The following WDR41 variants were observed in gnomAD, a reference collection of about 807,000 sequenced individuals.
WDR41 encodes the protein WD repeat-containing protein 41.
In WDR41, 63 loss-of-function variants were observed where a neutral mutation model predicts 69.3. That is an observed-to-expected ratio of 0.91 (90% CI 0.74 to 1.12). The LOEUF is 1.12. Among genes scored for constraint, WDR41 ranks in the 50% most tolerant of loss-of-function variants. WDR41 has a pLI of 0.00. For synonymous variants in WDR41, 185 were observed against 192.1 expected (o/e 0.96, Z 0.31); for missense variants, 543 against 534.5 (o/e 1.02, Z -0.16).
intron 1 of WDR41, among the ~76,000 whole-genome samples, chr5:77,526,509 G>A (rs59240338): frequency 0.092 from 14,021 of 151,862 alleles, 1,347 homozygotes; most frequent in African/African-American, 0.24. Flanking sequence ...AATTTTTCTT[G>A]CTTTTTATAA....
chr5:77,586,955 T>C (rs1744051405), intron 1 of WDR41, among the ~76,000 whole-genome samples: 1 of 151,642 alleles, frequency 6.6e-6, no homozygotes, highest in Non-Finnish European at 1.5e-5. Context: ...CCTGACCTTG[T>C]GATCCGCCTG....
chr5:77,544,952 C>T (rs777299721), intron 1 of WDR41, among the ~76,000 whole-genome samples: 38 of 151,936 alleles, frequency 2.5e-4, no homozygotes, highest in Non-Finnish European at 4.9e-4. Flanking sequence ...TTAAGAAAAT[C>T]GAAATTGTAA....
intron 1 of WDR41, among the ~76,000 whole-genome samples, chr5:77,507,458 C>T (rs1187781682): frequency 2.6e-5 from 4 of 152,158 alleles, no homozygotes; most frequent in Non-Finnish European, 5.9e-5. Flanking sequence ...CTCGTGTCAT[C>T]ATTTTGCAAT....
intron 3 of WDR41, 146 bp downstream of exon 3, chr5:77,464,615 G>C (rs1800218705): frequency 1.2e-6 from 1 of 818,672 alleles, no homozygotes; most frequent in East Asian, 2.8e-5. Flanking sequence ...ACTGTATATG[G>C]ATTTATCCTA....
intron 1 of WDR41, among the ~76,000 whole-genome samples, chr5:77,559,302 T>G (rs6883761): frequency 0.15 from 23,404 of 152,150 alleles, 2,781 homozygotes; most frequent in African/African-American, 0.32. Flanking sequence ...TAAATAATCT[T>G]AAGAGTATAG....
chr5:77,604,089 T>A lies in WDR41; in HGVS notation c.42+16390A>T, dbSNP rs139200399. 8.6e-5 allele frequency among the ~76,000 whole-genome samples: 13 copies of A among 151,836 alleles called. No individual in the cohort carries two copies. The East Asian group carries it at 2.1e-3, about 25-fold the overall frequency. On this transcript the variant is annotated intron_variant, in intron 1 of 5. Coordinates refer to the WDR41 transcript ENST00000509971. Reference sequence around the variant, plus strand: ...TTCTGGTTCCATATGAATTTTAGGATTTTTTTTCTATTTCTGTGAAAAATG... The same window carrying A: ...TTCTGGTTCCATATGAATTTTAGGAATTTTTTTCTATTTCTGTGAAAAATG...
intron 1 of WDR41, among the ~76,000 whole-genome samples, chr5:77,532,845 A>G (rs2112210016): frequency 6.6e-6 from 1 of 152,258 alleles, no homozygotes; most frequent in South Asian, 2.1e-4. Context: ...AAATCAGGAT[A>G]GTGGTTACAC....
At position 77,488,457 on chromosome 5, in the gene WDR41, T is replaced by TAA. The variant is rs71606300; in HGVS notation, c.167+998_167+999dup. 8.8e-3 allele frequency among the ~76,000 whole-genome samples: 1,245 copies of TAA among 141,000 alleles called. 16 individuals are homozygous for TAA. Among genetic ancestry groups the TAA allele is most frequent in the African/African-American group, 0.029 (1,127 of 38,746 alleles). The allele number at this position is 141,000 out of a possible 152,430, so 92.5% of individuals were successfully genotyped here. On this transcript the variant is annotated intron_variant, in intron 2 of 12. Transcript: ENST00000296679. Reference sequence around the variant, plus strand: ...CTCTATTTTAAAAATTAAATTAAATTAAAAAAAAAAAAGCAGAGAAAAGAC... The same window carrying TAA: ...CTCTATTTTAAAAATTAAATTAAATTAAAAAAAAAAAAAAGCAGAGAAAAGAC...
intron 3 of WDR41, 137 bp from the exon 4 acceptor site, chr5:77,463,363 A>G: frequency 1.4e-6 from 1 of 725,482 alleles, no homozygotes; most frequent in Non-Finnish European, 2.0e-6. Flanking sequence ...ATTTAACTTA[A>G]GCAATCACAC....
intron 2 of WDR41, among the ~76,000 whole-genome samples, chr5:77,483,802 C>T (rs1222513787): frequency 2.6e-5 from 4 of 152,018 alleles, no homozygotes; most frequent in Admixed American, 6.6e-5. Flanking sequence ...TTTTATTTAC[C>T]GATTTTCAAC....
At chr5:77,506,241 A>C (rs1189113770) in intron 1 of WDR41, among the ~76,000 whole-genome samples, 1 of 152,220 alleles carries the variant, frequency 6.6e-6, no homozygotes, top group Non-Finnish European at 1.5e-5. Context: ...ATGAACAGAC[A>C]CTTCTCAAAA....
At chr5:77,475,816 A>G (rs1426907402) in intron 2 of WDR41, among the ~76,000 whole-genome samples, 3 of 152,216 alleles carry the variant, frequency 2.0e-5, no homozygotes, top group African/African-American at 4.8e-5. Context: ...ACAAAGCTGG[A>G]TGGAGAATGA....
At chr5:77,611,389 T>C (rs549688341) in intron 1 of WDR41, among the ~76,000 whole-genome samples, 1 of 152,300 alleles carries the variant, frequency 6.6e-6, no homozygotes, top group South Asian at 2.1e-4. Context: ...ATTCCAAAAT[T>C]GACCACATAG....
At chr5:77,574,973 G>A (rs1426886240) in intron 1 of WDR41, among the ~76,000 whole-genome samples, 3 of 151,892 alleles carry the variant, frequency 2.0e-5, no homozygotes, top group South Asian at 2.1e-4. Context: ...GAAATGAGGC[G>A]TTAAAAACAA....
chr5:77,470,932 G>A (rs1800570854), intron 2 of WDR41, among the ~76,000 whole-genome samples: 1 of 152,102 alleles, frequency 6.6e-6, no homozygotes, highest in African/African-American at 2.4e-5. Context: ...AGACCTAATA[G>A]ACATCTACAG....
At chr5:77,552,018 A>C (rs1157927534) in intron 1 of WDR41, among the ~76,000 whole-genome samples, 61 of 141,702 alleles carry the variant, frequency 4.3e-4, no homozygotes, top group African/African-American at 1.6e-3. Flanking sequence ...AATAAAATAA[A>C]ATAAAATAAA....
chr5:77,588,843 G>A (rs911684761), intron 1 of WDR41, among the ~76,000 whole-genome samples: 66 of 152,130 alleles, frequency 4.3e-4, no homozygotes, highest in Admixed American at 2.0e-4. Flanking sequence ...TAAGCTCATC[G>A]CTAACAGCAC....
intron 7 of WDR41, among the ~76,000 whole-genome samples, chr5:77,450,960 T>G (rs749832614): frequency 6.6e-6 from 1 of 152,140 alleles, no homozygotes; most frequent in Non-Finnish European, 1.5e-5. Flanking sequence ...TTTCAGTCAA[T>G]AGAAAAGAGA....
chr5:77,603,339 A>G (rs6453337), intron 1 of WDR41, among the ~76,000 whole-genome samples: 92,485 of 152,134 alleles, frequency 0.61, 28,281 homozygotes, highest in Admixed American at 0.68. Context: ...ATTTTTTCAT[A>G]TACCTGTTGG....
Sources: gnomAD v4.1 joint callset for allele counts (sites outside exome capture counted in the v4.1 genomes callset) on GRCh38, gnomAD v4.1.1 for gene constraint, MANE v1.5 for transcripts, NCBI Gene and HGNC (gene_info 2026-07-23, HGNC 2026-07-21) for gene names.